The following LAD1 variants were observed in gnomAD, a reference collection of about 807,000 sequenced individuals.
LAD1 encodes the protein ladinin-1.
Under a neutral mutation model 54.2 loss-of-function variants are expected in LAD1, and 53 were observed. That is an observed-to-expected ratio of 0.98 (90% CI 0.78 to 1.23). The LOEUF is 1.23. Ranked by LOEUF, LAD1 falls within the 50% of genes most tolerant of loss-of-function variation. The pLI, the probability that LAD1 is intolerant of heterozygous loss-of-function variation, is 0.00. For missense variants in LAD1, 637 were observed against 653.3 expected (o/e 0.98, Z 0.27); for synonymous variants, 231 against 257.7 (o/e 0.90, Z 0.99).
chr1:201,386,201 A>G, intron 3 of LAD1, 134 bp downstream of exon 3: 1 of 906,032 alleles, frequency 1.1e-6, no homozygotes, highest in Non-Finnish European at 1.5e-6. Flanking sequence ...CAGGGAAAGA[A>G]GAGACTTCCA....
chr1:201,388,420 C>T (rs1662136649), intron 2 of LAD1, among the ~76,000 whole-genome samples: 1 of 149,540 alleles, frequency 6.7e-6, no homozygotes, highest in African/African-American at 2.5e-5. Context: ...CACGGTGGCT[C>T]ATGCCTGTAT....
Position 201,388,193 on chromosome 1 carries a change from T to C in LAD1, c.182+967A>G, listed in dbSNP as rs1571721810. 3.3e-5 allele frequency among the ~76,000 whole-genome samples: 5 copies of C among 152,206 alleles called. No individual in the cohort carries two copies. The South Asian group carries it at 1.0e-3, about 32-fold the overall frequency. ...ATCACCTGAGGTCAGGAGTTCAAGA[T>C]CAGCCTGCCCAACATGGTGAAACCC... On this transcript the variant is annotated intron_variant, in intron 2 of 9. Transcript: ENST00000391967.
intron 4 of LAD1, among the ~76,000 whole-genome samples, chr1:201,385,452 TCATGCAGCCCTGGCCTTGCC>T (rs1662054829): frequency 6.6e-6 from 1 of 152,198 alleles, no homozygotes; most frequent in African/African-American, 2.4e-5. Context: ...TGTCCGGTCT[TCATGCAGCCCTGGCCTTGCC>T]CACTAGGTGG....
intron 5 of LAD1, 62 bp downstream of exon 5, chr1:201,384,730 G>A (rs368911693): frequency 5.8e-6 from 9 of 1,543,448 alleles, no homozygotes; most frequent in East Asian, 2.2e-5. Context: ...GCGGGTGCAG[G>A]TACTCAGAAA....
At chr1:201,388,627 GA>G (rs1347902210) in intron 2 of LAD1, among the ~76,000 whole-genome samples, 1 of 150,634 alleles carries the variant, frequency 6.6e-6, no homozygotes, top group Non-Finnish European at 1.5e-5. Context: ...AGCTTGCAGT[GA>G]GCTGAGATCG....
chr1:201,394,242 G>A (rs1444985248), intron 1 of LAD1, among the ~76,000 whole-genome samples: 2 of 152,178 alleles, frequency 1.3e-5, no homozygotes, highest in East Asian at 1.9e-4. Flanking sequence ...CCTCGATGCC[G>A]AGGCGCACAA....
chr1:201,387,684 G>A (rs1489836602), intron 2 of LAD1, among the ~76,000 whole-genome samples: 1 of 152,148 alleles, frequency 6.6e-6, no homozygotes, highest in African/African-American at 2.4e-5. Flanking sequence ...ACAGGTACTG[G>A]TGCAGCCCAG....
chr1:201,389,443 G>A (rs1662159912), intron 1 of LAD1, 140 bp from the exon 2 acceptor site: 13 of 945,252 alleles, frequency 1.4e-5, no homozygotes, highest in South Asian at 3.6e-5. Context: ...TGCTTGAAAC[G>A]TGGCTGGTGT....
At chr1:201,388,785 C>T (rs957060394) in intron 2 of LAD1, among the ~76,000 whole-genome samples, 1 of 152,092 alleles carries the variant, frequency 6.6e-6, no homozygotes, top group Non-Finnish European at 1.5e-5. Context: ...GATGGACATT[C>T]TGGCCCTGCC....
rs750521766 is a variant in LAD1 at position 201,389,275 on chromosome 1, C to T, written c.67G>A (p.Glu23Lys). 6.7e-5 allele frequency: 108 copies of T among 1,613,816 alleles called. No individual in the cohort carries two copies. The Middle Eastern group carries it at 1.7e-3, about 25-fold the overall frequency. The change falls in exon 2 of 10, where the codon GAG becomes AAG. Residue 23 changes from glutamate to lysine, a missense_variant. Glu to Lys is a moderately conservative substitution (Grantham distance 56). Coordinates refer to ENST00000391967, the MANE Select transcript of LAD1 (RefSeq NM_005558.4). ...SLARQRTLED[E>K]EEQERERRRR... Reference sequence around the variant, plus strand: ...CTGCGCTCGCGCTCCTGTTCCTCCTCATCCTCCAGAGTCCTCTGCCGGGCA... The same window carrying T: ...CTGCGCTCGCGCTCCTGTTCCTCCTTATCCTCCAGAGTCCTCTGCCGGGCA...
intron 1 of LAD1, among the ~76,000 whole-genome samples, chr1:201,394,610 CA>C (rs1662255354): frequency 6.6e-6 from 1 of 152,240 alleles, no homozygotes; most frequent in Non-Finnish European, 1.5e-5. Context: ...TCACTACACA[CA>C]AACAGATGCT....
chr1:201,390,534 C>CA (rs1190786404), intron 1 of LAD1, among the ~76,000 whole-genome samples: 4 of 151,852 alleles, frequency 2.6e-5, no homozygotes, highest in South Asian at 2.1e-4. Context: ...AACTCCATCT[C>CA]AAAAAAAACT....
chr1:201,383,719 C>G (rs1346482216), intron 5 of LAD1: 4 of 387,676 alleles, frequency 1.0e-5, no homozygotes, highest in Non-Finnish European at 2.0e-5. Context: ...GCTCTCCCAG[C>G]CTGCCACCGT....
At chr1:201,382,576 C>T (rs533518285) in intron 8 of LAD1, 77 bp downstream of exon 8, 6 of 1,246,182 alleles carry the variant, frequency 4.8e-6, no homozygotes, top group Admixed American at 2.0e-5. Context: ...CCTCCTCTCC[C>T]GACTGTCCCT....
chr1:201,391,755 G>A (rs1194679316), intron 1 of LAD1, among the ~76,000 whole-genome samples: 1 of 152,190 alleles, frequency 6.6e-6, no homozygotes, highest in African/African-American at 2.4e-5. Flanking sequence ...GGCAGTCCAG[G>A]CAGAGGGAAG....
intron 5 of LAD1, among the ~76,000 whole-genome samples, chr1:201,384,541 G>C (rs1012363368): frequency 2.0e-5 from 3 of 151,660 alleles, no homozygotes; most frequent in Middle Eastern, 6.3e-3. Context: ...TCCCCCTTTG[G>C]GGCCCCACCC....
At chr1:201,389,511 C>T (rs775789063) in intron 1 of LAD1, among the ~76,000 whole-genome samples, 2 of 152,228 alleles carry the variant, frequency 1.3e-5, no homozygotes, top group Non-Finnish European at 2.9e-5. Flanking sequence ...TGAAAGGTCT[C>T]ATTAAGAACT....
At position 201,389,160 on chromosome 1, in the gene LAD1, C is replaced by T; in HGVS notation, c.182G>A (p.Arg61Lys). 6.2e-7 allele frequency: 1 copy of T among 1,613,664 alleles called. No individual in the cohort carries two copies. Among genetic ancestry groups the T allele is most frequent in the Non-Finnish European group, 8.5e-7 (1 of 1,179,620 alleles). Residue 61 changes from arginine (R) to lysine (K), a missense_variant and splice_region_variant, in exon 2 of 10, where the codon AGA becomes AAA. Transcript: ENST00000391967. ...NGDRQASASE[R>K]LPSVEEAEVP... Reference sequence around the variant, plus strand: ...TCAGGATAGAAACCTGAGCACCTACCTCTCAGAAGCAGAGGCCTGCCGGTC... The same window carrying T: ...TCAGGATAGAAACCTGAGCACCTACTTCTCAGAAGCAGAGGCCTGCCGGTC...
intron 2 of LAD1, among the ~76,000 whole-genome samples, chr1:201,388,757 G>A (rs150421643): frequency 3.3e-5 from 5 of 152,182 alleles, no homozygotes; most frequent in East Asian, 1.9e-4. Flanking sequence ...GGAAGGAGGC[G>A]GGAGCTTGAC....
Sources: gnomAD v4.1 joint callset for allele counts (sites outside exome capture counted in the v4.1 genomes callset) on GRCh38, gnomAD v4.1.1 for gene constraint, MANE v1.5 for transcripts, NCBI Gene and HGNC (gene_info 2026-07-23, HGNC 2026-07-21) for gene names.